CNTN6: variants seen among roughly 807,000 people sequenced by gnomAD.
The protein encoded by CNTN6 is contactin 6.
Under a neutral mutation model 122.8 loss-of-function variants are expected in CNTN6, and 137 were observed. The observed-to-expected ratio is 1.12, with a 90% CI of 0.97 to 1.29. CNTN6 has a LOEUF of 1.29. CNTN6 is among the 50% of genes most tolerant of loss of function. The pLI, the probability that CNTN6 is intolerant of heterozygous loss-of-function variation, is 0.00. For missense variants in CNTN6, 1,634 were observed against 1,223.4 expected, an observed-to-expected ratio of 1.34 and a Z score of -5.01; for synonymous variants, 570 against 426.0, an observed-to-expected ratio of 1.34 and a Z score of -4.16.
In CNTN6 at chr3:1,218,055, C is replaced by T. The variant is rs574469027; in HGVS notation, c.56-2632C>T. On this transcript the variant is annotated intron_variant, in intron 2 of 22. Transcript: ENST00000446702. ...CCATGTGCATGTGGAAGAGGAGAGCCACAGCAGTCCAGCCTGAGGTGCTGG... is the reference window on the plus strand; with the variant it reads ...CCATGTGCATGTGGAAGAGGAGAGCTACAGCAGTCCAGCCTGAGGTGCTGG... 2.4e-4 allele frequency among the ~76,000 whole-genome samples: 36 copies of T among 152,194 alleles called. No individual in the cohort carries two copies. The South Asian group carries it at 7.5e-3, about 32-fold the overall frequency.
In CNTN6 at chr3:1,383,273, T is replaced by C. The variant is rs1012885309; in HGVS notation, c.2402-20T>C. 1 of 1,603,842 alleles carries C rather than the reference T, an allele frequency of 6.2e-7. No individual in the cohort carries two copies. The highest frequency in any genetic ancestry group is 1.7e-5 in the Admixed American group (1 of 59,992). On this transcript the variant is annotated intron_variant, in intron 18 of 22. Coordinates refer to ENST00000446702, the MANE Select transcript of CNTN6 (RefSeq NM_001289080.2). ...TGAACCACTCTGCTAAAGATGGTTA[T>C]GTCTTTCTCTGGATGGTAGAACCTC...
intron 3 of CNTN6, among the ~76,000 whole-genome samples, chr3:1,221,155 G>C (rs1374766337): frequency 6.6e-6 from 1 of 151,778 alleles, no homozygotes; most frequent in African/African-American, 2.4e-5. Flanking sequence ...AAATGAGAGA[G>C]AGAGAGAAGA....
rs542812655 is a variant in CNTN6, at chr3:1,248,451, A to T, written c.358+20458A>T. ...ATCTAGTTTAATCCTCAAAACTACC[A>T]TGTAAAATAGAAGCTACTATTATAA... On this transcript the variant is annotated intron_variant, in intron 4 of 22. Transcript: ENST00000446702. 3.3e-5 allele frequency among the ~76,000 whole-genome samples: 5 copies of T among 152,322 alleles called. No homozygotes were observed. In the South Asian group the frequency reaches 1.0e-3, roughly 32 times the overall value.
chr3:1,152,124 ATATTTGTTTGTT>A (rs1444868449), intron 2 of CNTN6, among the ~76,000 whole-genome samples: 5 of 151,556 alleles, frequency 3.3e-5, no homozygotes, highest in African/African-American at 1.2e-4. Flanking sequence ...ATTTATTTAT[ATATTTGTTTGTT>A]TGTTTGTTTG....
At chr3:1,180,189 AAG>A (rs1417205282) in intron 2 of CNTN6, among the ~76,000 whole-genome samples, 1 of 152,176 alleles carries the variant, frequency 6.6e-6, no homozygotes, top group African/African-American at 2.4e-5. Context: ...AAGAAAGAGA[AAG>A]AGTAAATGAA....
chr3:1,401,490 T>G lies in CNTN6; in HGVS notation c.2762T>G (p.Leu921Trp). The change falls in exon 21 of 23, where the codon TTG becomes TGG. Residue 921 changes from leucine (L) to tryptophan (W), a missense_variant. By Grantham distance (61) the Leu-to-Trp change is moderately conservative. Coordinates refer to ENST00000446702, the MANE Select transcript of CNTN6 (RefSeq NM_001289080.2). ...AAGCTGACAAACTCTAAATTATGCT[T>G]GAACTGGGAGCATGTAAAAACCATG... ...AWKLTNSKLC[L>W]NWEHVKTMEN... 2.5e-6 allele frequency: 4 copies of G among 1,612,126 alleles called. No homozygotes were observed. The highest frequency in any genetic ancestry group is 1.3e-5 in the African/African-American group (1 of 74,946).
At chr3:1,292,466 G>C (rs1695491367) in intron 5 of CNTN6, among the ~76,000 whole-genome samples, 1 of 152,068 alleles carries the variant, frequency 6.6e-6, no homozygotes. Flanking sequence ...GCGTCATTTG[G>C]AGGGTGTCGA....
chr3:1,267,330 A>G (rs1398410470), intron 4 of CNTN6, among the ~76,000 whole-genome samples: 4 of 152,060 alleles, frequency 2.6e-5, no homozygotes, highest in Non-Finnish European at 5.9e-5. Flanking sequence ...CTATTCAATA[A>G]AAGGCCTCCT....
intron 4 of CNTN6, among the ~76,000 whole-genome samples, chr3:1,269,624 A>T (rs1295671293): frequency 6.6e-6 from 1 of 152,166 alleles, no homozygotes; most frequent in Non-Finnish European, 1.5e-5. Context: ...TATTATAGAA[A>T]ATCAAATCCA....
intron 1 of CNTN6, among the ~76,000 whole-genome samples, chr3:1,132,661 AT>A (rs1312304454): frequency 8.7e-6 from 1 of 115,122 alleles, no homozygotes; most frequent in African/African-American, 4.3e-5. Context: ...TGTCTAAAAA[AT>A]AAATAAATAA....
At chr3:1,240,050 A>G (rs1398576433) in intron 4 of CNTN6, among the ~76,000 whole-genome samples, 1 of 152,198 alleles carries the variant, frequency 6.6e-6, no homozygotes, top group African/African-American at 2.4e-5. Context: ...TAAATATAAG[A>G]CCTGAAACCA....
At chr3:1,107,849 G>T (rs1040784753) in intron 1 of CNTN6, among the ~76,000 whole-genome samples, 1 of 151,996 alleles carries the variant, frequency 6.6e-6, no homozygotes, top group Non-Finnish European at 1.5e-5. Context: ...TTGCAAAGAG[G>T]TTACTGAAAG....
At chr3:1,196,199 G>T (rs767809140) in intron 2 of CNTN6, among the ~76,000 whole-genome samples, 4 of 152,172 alleles carry the variant, frequency 2.6e-5, no homozygotes. Flanking sequence ...AGCATTCATC[G>T]TGAGAGTAAG....
chr3:1,147,086 T>G (rs1441962967), intron 1 of CNTN6, among the ~76,000 whole-genome samples: 3 of 152,106 alleles, frequency 2.0e-5, no homozygotes, highest in South Asian at 2.1e-4. Context: ...AAATAAAAAT[T>G]TTATTATTTA....
At chr3:1,234,372 T>C (rs1340258138) in intron 4 of CNTN6, among the ~76,000 whole-genome samples, 2 of 152,188 alleles carry the variant, frequency 1.3e-5, no homozygotes, top group East Asian at 1.9e-4. Flanking sequence ...TTTTTATTTC[T>C]ATCTTTTGAC....
chr3:1,130,213 A>G (rs975369946), intron 1 of CNTN6, among the ~76,000 whole-genome samples: 8 of 152,048 alleles, frequency 5.3e-5, no homozygotes, highest in Non-Finnish European at 7.4e-5. Context: ...TTCTAACCCT[A>G]TATCTAAAAC....
rs142889494 is a variant in CNTN6, at chr3:1,192,698, C to CCA, written c.56-27973_56-27972dup. ...CCAACAACAAAGATAGCAATGACAA[C>CCA]CACACACACACACACACCCCTGTTG... is the stretch of plus-strand genomic sequence containing the variant. On this transcript the variant is annotated intron_variant, in intron 2 of 22. Coordinates refer to ENST00000446702, the MANE Select transcript of CNTN6 (RefSeq NM_001289080.2). Among the ~76,000 whole-genome samples the CCA allele has an allele frequency of 4.4e-3, 656 of 150,648 alleles. 1 individual carries two copies. The highest frequency in any genetic ancestry group is 8.5e-3 in the African/African-American group (350 of 41,174).
At chr3:1,297,470 A>G (rs530496819) in intron 6 of CNTN6, among the ~76,000 whole-genome samples, 2 of 152,240 alleles carry the variant, frequency 1.3e-5, no homozygotes, top group East Asian at 3.9e-4. Context: ...CAGCAAACTT[A>G]GCGGCAAAAC....
At chr3:1,099,343 G>C (rs11128530) in intron 1 of CNTN6, among the ~76,000 whole-genome samples, 87,655 of 151,234 alleles carry the variant, frequency 0.58, 25,895 homozygotes, top group East Asian at 0.81. Context: ...CCCAGCTACT[G>C]GGGAGGCTGA....
Sources: gnomAD v4.1 joint callset for allele counts (sites outside exome capture counted in the v4.1 genomes callset) on GRCh38, gnomAD v4.1.1 for gene constraint, MANE v1.5 for transcripts, NCBI Gene and HGNC (gene_info 2026-07-23, HGNC 2026-07-21) for gene names.